MYH11: variants seen among roughly 807,000 people sequenced by gnomAD.
MYH11 encodes myosin-11.
MYH11 carries 80 observed loss-of-function variants against 246.6 expected under a neutral mutation model. The ratio of observed to expected loss-of-function variants is 0.32; its 90% CI spans 0.27 to 0.39. MYH11 has a LOEUF of 0.39. Among genes scored for constraint, MYH11 ranks in the 10% least tolerant of loss-of-function variants. MYH11 has a pLI of 1.00. For synonymous variants in MYH11, 1,071 were observed against 1,015.5 expected (o/e 1.05, Z -1.04); for missense variants, 2,158 against 2,546.8 (o/e 0.85, Z 3.29).
At chr16:15,714,472 GA>G in intron 40 of MYH11, 1 of 240,508 alleles carries the variant, frequency 4.2e-6, no homozygotes, top group East Asian at 9.9e-5. Context: ...CCATACCCGA[GA>G]ATAATGCAGC....
chr16:15,799,374 C>T (rs191575504), intron 3 of MYH11, among the ~76,000 whole-genome samples: 175 of 152,324 alleles, frequency 1.1e-3, no homozygotes, highest in African/African-American at 4.1e-3. Context: ...AGGCAGACTT[C>T]CTTTCTGCCC....
intron 3 of MYH11, among the ~76,000 whole-genome samples, chr16:15,817,834 G>C (rs1218161724): frequency 6.6e-6 from 1 of 152,106 alleles, no homozygotes; most frequent in African/African-American, 2.4e-5. Flanking sequence ...TGGCTAGAAA[G>C]CCATCCCTGC....
intron 23 of MYH11, 101 bp downstream of exon 23, chr16:15,739,950 C>T (rs1322495177): frequency 1.6e-6 from 2 of 1,272,148 alleles, no homozygotes; most frequent in Non-Finnish European, 2.3e-6. Flanking sequence ...CCCTGTTGGC[C>T]AGGCTAGTCT....
chr16:15,745,096 C>G, intron 20 of MYH11, 33 bp downstream of exon 20: 1 of 1,553,720 alleles, frequency 6.4e-7, no homozygotes. Context: ...GGGCTGGGGG[C>G]CCCTGGGAAG....
chr16:15,791,259 A>G (rs190759931), intron 4 of MYH11: 6 of 152,042 alleles, frequency 3.9e-5, no homozygotes, highest in Admixed American at 3.3e-4. Flanking sequence ...CTCAGCCAGC[A>G]TTTTCATTTT....
At chr16:15,766,903 G>A (rs2041995378) in intron 9 of MYH11, among the ~76,000 whole-genome samples, 3 of 152,202 alleles carry the variant, frequency 2.0e-5, no homozygotes, top group Admixed American at 6.5e-5. Context: ...GGGTGGTGAC[G>A]GCTGGCAGCA....
At chr16:15,825,423 G>T (rs1046591267) in intron 2 of MYH11, among the ~76,000 whole-genome samples, 1 of 151,592 alleles carries the variant, frequency 6.6e-6, no homozygotes, top group Admixed American at 6.6e-5. Flanking sequence ...TGGCCATGGT[G>T]GTGATCACCT....
At chr16:15,820,442 C>G (rs2043378805) in intron 3 of MYH11, among the ~76,000 whole-genome samples, 1 of 149,784 alleles carries the variant, frequency 6.7e-6, no homozygotes, top group African/African-American at 2.5e-5. Context: ...CCATTGCACT[C>G]CAACCTGGGC....
chr16:15,812,934 A>C (rs1366276992), intron 3 of MYH11, among the ~76,000 whole-genome samples: 3 of 152,204 alleles, frequency 2.0e-5, no homozygotes, highest in African/African-American at 7.2e-5. Context: ...TGGAAGGCCA[A>C]GGTGGGTGGA....
chr16:15,813,618 A>G (rs1008082122), intron 3 of MYH11, among the ~76,000 whole-genome samples: 1 of 152,140 alleles, frequency 6.6e-6, no homozygotes, highest in Non-Finnish European at 1.5e-5. Flanking sequence ...CCATGAGAAG[A>G]TGGTAGGCTG....
intron 3 of MYH11, among the ~76,000 whole-genome samples, chr16:15,818,115 T>C (rs977910257): frequency 2.0e-5 from 3 of 152,202 alleles, no homozygotes; most frequent in Non-Finnish European, 4.4e-5. Context: ...TCATCTTATA[T>C]TCAGTGCATG....
chr16:15,828,477 C>A (rs1165625480), intron 2 of MYH11, among the ~76,000 whole-genome samples: 1 of 152,170 alleles, frequency 6.6e-6, no homozygotes, highest in African/African-American at 2.4e-5. Flanking sequence ...GACCCACACA[C>A]TACTGTATCT....
At chr16:15,814,797 C>T (rs1456954679) in intron 3 of MYH11, among the ~76,000 whole-genome samples, 4 of 152,010 alleles carry the variant, frequency 2.6e-5, no homozygotes, top group African/African-American at 4.8e-5. Context: ...TCCCTGAAGC[C>T]AAGTGACTGC....
At position 15,748,005 on chromosome 16, in the gene MYH11, C is replaced by T. The variant is rs56260526; in HGVS notation, c.2180+42G>A. The T allele has an allele frequency of 0.012, 18,756 of 1,614,118 alleles. 1,645 individuals carry two copies. In the African/African-American group the frequency reaches 0.2, roughly 18 times the overall value. Reference sequence around the variant, plus strand: ...CAGCATCCATTCCTCCACCCAGTCCCGCTCACCCCCTGCCCTACCTGGGCC... The same window carrying T: ...CAGCATCCATTCCTCCACCCAGTCCTGCTCACCCCCTGCCCTACCTGGGCC... On this transcript the variant is annotated intron_variant, in intron 17 of 40. Coordinates refer to ENST00000300036, the MANE Select transcript of MYH11 (RefSeq NM_002474.3).
intron 4 of MYH11, among the ~76,000 whole-genome samples, chr16:15,790,027 G>A (rs190839018): frequency 4.7e-4 from 71 of 152,316 alleles, no homozygotes; most frequent in African/African-American, 1.4e-3. Flanking sequence ...AGACATCACC[G>A]GGTGTGGTGG....
chr16:15,817,667 A>G (rs1385069140), intron 3 of MYH11, among the ~76,000 whole-genome samples: 1 of 152,172 alleles, frequency 6.6e-6, no homozygotes, highest in East Asian at 1.9e-4. Flanking sequence ...TATCTCTTAG[A>G]AAGTCCCTCC....
chr16:15,850,605 T>C (rs1378567392), intron 1 of MYH11, among the ~76,000 whole-genome samples: 1 of 152,022 alleles, frequency 6.6e-6, no homozygotes, highest in African/African-American at 2.4e-5. Context: ...ATATTCTAAA[T>C]ACCATGCAGG....
intron 3 of MYH11, among the ~76,000 whole-genome samples, chr16:15,820,371 G>A (rs2043376360): frequency 6.6e-6 from 1 of 151,934 alleles, no homozygotes; most frequent in Non-Finnish European, 1.5e-5. Context: ...TTACTTGGGA[G>A]GCTGAGGCAG....
chr16:15,851,195 A>G lies in MYH11; in HGVS notation c.-18+5746T>C, dbSNP rs189055505. Among the ~76,000 whole-genome samples the G allele has an allele frequency of 2.0e-3, 301 of 152,288 alleles. 3 individuals are homozygous for G. The highest frequency in any genetic ancestry group is 0.014 in the Admixed American group (209 of 15,262). Reference sequence around the variant, plus strand: ...CTCGCTCAAGGCCTGGTCCAGGTGTAGGGAGGCATCAAATGTGTCGCAGGG... The same window carrying G: ...CTCGCTCAAGGCCTGGTCCAGGTGTGGGGAGGCATCAAATGTGTCGCAGGG... On this transcript the variant is annotated intron_variant, in intron 1 of 40. Coordinates refer to ENST00000300036, the MANE Select transcript of MYH11 (RefSeq NM_002474.3).
Sources: allele counts gnomAD v4.1 joint callset (sites outside exome capture counted in the v4.1 genomes callset), GRCh38; gene constraint gnomAD v4.1.1; transcripts MANE v1.5; gene names NCBI Gene and HGNC (gene_info 2026-07-23, HGNC 2026-07-21).